The following RSBN1 variants were observed in gnomAD, a reference collection of about 807,000 sequenced individuals.
The protein encoded by RSBN1 is round spermatid basic protein 1, also known as lysine-specific demethylase 9.
RSBN1 carries 23 observed loss-of-function variants against 74.8 expected under a neutral mutation model. That is an observed-to-expected ratio of 0.31 (90% CI 0.22 to 0.44). The LOEUF (loss-of-function observed/expected upper bound fraction) is 0.44, where lower values mean the gene tolerates loss of function less well. Among genes scored for constraint, RSBN1 ranks in the 20% least tolerant of loss-of-function variants. The pLI is 1.00. For missense variants in RSBN1, 808 were observed against 1,020.9 expected, an observed-to-expected ratio of 0.79 and a Z score of 2.84; for synonymous variants, 407 against 379.6, an observed-to-expected ratio of 1.07 and a Z score of -0.84.
At chr1:113,773,168 G>C (rs944582059) in intron 4 of RSBN1, among the ~76,000 whole-genome samples, 1 of 152,104 alleles carries the variant, frequency 6.6e-6, no homozygotes, top group Non-Finnish European at 1.5e-5. Context: ...ATGTATAAAG[G>C]AAATTAAAAG....
In RSBN1 at chr1:113,811,846, C is replaced by T; in HGVS notation, c.567G>A (p.Lys189=). 1.2e-6 allele frequency: 2 copies of T among 1,613,792 alleles called. No individual in the cohort carries two copies. The highest frequency in any genetic ancestry group is 1.1e-5 in the South Asian group (1 of 91,066). The change falls in exon 1 of 7, where the codon AAG becomes AAA. Residue 189 remains lysine, a synonymous_variant. Transcript: ENST00000261441. ...GGTGGTGATGGTGCTTGTGCCGCTC[C>T]TTGTGGCCCTTATGCTTGGGCCCGG... The part of the protein sequence containing the change: ...SAAGPKHKGH[K]ERHKHHHHRG...
At chr1:113,766,540 CA>C (rs977486148) in intron 6 of RSBN1, 87 bp from the exon 7 acceptor site, 13 of 811,662 alleles carry the variant, frequency 1.6e-5, no homozygotes, top group Non-Finnish European at 2.3e-5. Context: ...ACAGTAGAAA[CA>C]AAATGTGTCA....
At chr1:113,766,859 G>A (rs539696270) in intron 6 of RSBN1, among the ~76,000 whole-genome samples, 10 of 152,256 alleles carry the variant, frequency 6.6e-5, no homozygotes, top group African/African-American at 2.2e-4. Flanking sequence ...TAACTGAGCC[G>A]CCTGGGACCT....
chr1:113,807,083 C>T (rs912859935), intron 1 of RSBN1, among the ~76,000 whole-genome samples: 2 of 151,876 alleles, frequency 1.3e-5, no homozygotes, highest in Non-Finnish European at 2.9e-5. Context: ...GAGACCAAGG[C>T]GGGCGGATCA....
At chr1:113,769,073 C>T (rs1291477913) in intron 4 of RSBN1, among the ~76,000 whole-genome samples, 1 of 152,028 alleles carries the variant, frequency 6.6e-6, no homozygotes. Context: ...ATTTAAAGAC[C>T]CCCACAGAAA....
At position 113,812,219 on chromosome 1, in the gene RSBN1, T is replaced by C. The variant is rs745565420; in HGVS notation, c.194A>G (p.Gln65Arg). 11 of 1,607,058 alleles carry C rather than the reference T, an allele frequency of 6.8e-6. No individual in the cohort carries two copies. Among genetic ancestry groups the C allele is most frequent in the Admixed American group, 1.7e-5 (1 of 59,992 alleles). The change falls in exon 1 of 7, where the codon CAG (glutamine) becomes CGG (arginine). Residue 65 changes from glutamine to arginine, a missense_variant. Physicochemically the swap from Gln to Arg is conservative, Grantham distance 43. Coordinates refer to ENST00000261441, the MANE Select transcript of RSBN1 (RefSeq NM_018364.5). ...AVRVVRAVAA[Q>R]EEPDKEGKEK... ...CTTCCCCTCTTTGTCCGGCTCCTCCTGCGCCGCCACCGCCCGTACTACGCG... is the reference window on the plus strand; with the variant it reads ...CTTCCCCTCTTTGTCCGGCTCCTCCCGCGCCGCCACCGCCCGTACTACGCG...
At chr1:113,799,991 C>A (rs939120298) in intron 1 of RSBN1, among the ~76,000 whole-genome samples, 2 of 152,088 alleles carry the variant, frequency 1.3e-5, no homozygotes, top group Non-Finnish European at 2.9e-5. Context: ...TCCAATTAAT[C>A]CTATTTTTAC....
intron 2 of RSBN1, among the ~76,000 whole-genome samples, chr1:113,794,782 GT>G (rs1660438498): frequency 6.6e-6 from 1 of 152,020 alleles, no homozygotes; most frequent in African/African-American, 2.4e-5. Flanking sequence ...ATAATTGCTG[GT>G]TTACTCATCT....
At chr1:113,790,995 A>T (rs897153610) in intron 2 of RSBN1, among the ~76,000 whole-genome samples, 2 of 152,198 alleles carry the variant, frequency 1.3e-5, no homozygotes, top group Non-Finnish European at 2.9e-5. Flanking sequence ...GCAACTGAAA[A>T]CAAAGAACAA....
chr1:113,769,254 A>G (rs1432203727), intron 4 of RSBN1, among the ~76,000 whole-genome samples: 1 of 151,832 alleles, frequency 6.6e-6, no homozygotes, highest in Non-Finnish European at 1.5e-5. Flanking sequence ...CTCCTCCTTT[A>G]GTGGCCCTAC....
rs752103937 is a variant in RSBN1, at chr1:113,777,344, C to T, written c.1524G>A (p.Leu508=). ...GGAGGCTAGAAAGTGTACCCCAGGGCAAAGTCATCTAGAAATCAGACGGAT... is the reference window on the plus strand; with the variant it reads ...GGAGGCTAGAAAGTGTACCCCAGGGTAAAGTCATCTAGAAATCAGACGGAT... ...LEESPFLKMT[L]PWGTLSSLRL... is the part of the protein sequence containing the mutation. The change falls in exon 4 of 7, where the codon TTG becomes TTA. Residue 508 remains leucine (L), a synonymous_variant. Transcript: ENST00000261441. 1 of 1,607,700 alleles carries T rather than the reference C, an allele frequency of 6.2e-7. No homozygotes were observed. Among genetic ancestry groups the T allele is most frequent in the Non-Finnish European group, 8.5e-7 (1 of 1,176,854 alleles).
chr1:113,772,224 G>C (rs1659898378), intron 4 of RSBN1, among the ~76,000 whole-genome samples: 1 of 151,980 alleles, frequency 6.6e-6, no homozygotes, highest in South Asian at 2.1e-4. Context: ...CTGACTGAAA[G>C]AAGAAATGAG....
In RSBN1 at chr1:113,797,838, G is replaced by C. The variant is rs1248682263; in HGVS notation, c.902C>G (p.Thr301Ser). ...GAAGGACTCCTTATTAAGTCCTGAA[G>C]TGCTATTTATTTGTCCTTGGGTGAG... ...EILTQGQINS[T>S]SGLNKESFRY... Residue 301 changes from threonine (T) to serine (S), a missense_variant, in exon 2 of 7, where the codon ACT becomes AGT. Around this residue, in one of 6 missense-constraint regions of RSBN1, gnomAD observed 85 missense variants for 126.2 expected, o/e 0.67. Transcript: ENST00000261441. 6.2e-7 allele frequency: 1 copy of C among 1,613,854 alleles called. No individual in the cohort carries two copies. The highest frequency in any genetic ancestry group is 1.7e-5 in the Admixed American group (1 of 59,968).
At chr1:113,766,740 A>G (rs1659787775) in intron 6 of RSBN1, among the ~76,000 whole-genome samples, 1 of 152,198 alleles carries the variant, frequency 6.6e-6, no homozygotes, top group South Asian at 2.1e-4. Context: ...AATATTCTTT[A>G]CCACACATAA....
At chr1:113,769,201 C>A (rs1369830661) in intron 4 of RSBN1, among the ~76,000 whole-genome samples, 2 of 152,176 alleles carry the variant, frequency 1.3e-5, no homozygotes, top group Non-Finnish European at 2.9e-5. Flanking sequence ...AAAACCCTCA[C>A]CCCCAAACTC....
intron 5 of RSBN1, chr1:113,768,017 G>A (rs556393910): frequency 1.4e-5 from 6 of 422,952 alleles, no homozygotes; most frequent in African/African-American, 6.0e-5. Flanking sequence ...TTACAGCCTC[G>A]CAAGATGAAA....
In RSBN1 at chr1:113,798,041, C is replaced by G; in HGVS notation, c.704-5G>C. On this transcript the variant is annotated splice_region_variant and splice_polypyrimidine_tract_variant and intron_variant, in intron 1 of 6. Transcript: ENST00000261441. ...TACCATTTTCATCTGGTGTTTCTGG[C>G]CACAATAATTAAAAAGAAGTTAGTT... The G allele has an allele frequency of 6.3e-7, 1 of 1,586,914 alleles. No homozygotes were observed. The highest frequency in any genetic ancestry group is 8.5e-7 in the Non-Finnish European group (1 of 1,170,866).
chr1:113,772,912 G>C (rs1331742905), intron 4 of RSBN1, among the ~76,000 whole-genome samples: 4 of 152,060 alleles, frequency 2.6e-5, no homozygotes, highest in African/African-American at 7.2e-5. Context: ...TGAAAGCACA[G>C]AAGTACTAAG....
rs749746297 is a variant in RSBN1 at position 113,767,070 on chromosome 1, G to T, written c.1935+29C>A. 1.1e-5 allele frequency: 14 copies of T among 1,292,552 alleles called. No individual in the cohort carries two copies. The Admixed American group carries it at 1.5e-4, about 14-fold the overall frequency. The allele number at this position is 1,292,552 out of a possible 1,614,324, so 80.1% of individuals were successfully genotyped here. Reference sequence around the variant, plus strand: ...GGTATAGATATTTACTTCTAATATCGCAAATGGTGATAAAACATAAGTTAT... The same window carrying T: ...GGTATAGATATTTACTTCTAATATCTCAAATGGTGATAAAACATAAGTTAT... On this transcript the variant is annotated intron_variant, in intron 6 of 6. Transcript: ENST00000261441.
Sources: allele counts gnomAD v4.1 joint callset (sites outside exome capture counted in the v4.1 genomes callset), GRCh38; gene constraint gnomAD v4.1.1; regional missense constraint gnomAD v4.1.1; transcripts MANE v1.5; gene names NCBI Gene and HGNC (gene_info 2026-07-23, HGNC 2026-07-21).